CNTN5: variants seen among roughly 807,000 people sequenced by gnomAD.
The protein encoded by CNTN5 is contactin-5.
CNTN5 carries 77 observed loss-of-function variants against 129.1 expected under a neutral mutation model. The observed-to-expected ratio is 0.60, with a 90% CI of 0.50 to 0.72. CNTN5 has a LOEUF of 0.72. Ranked by LOEUF, CNTN5 falls within the 30% of genes least tolerant of loss-of-function variation. CNTN5 has a pLI of 0.00. For synonymous variants in CNTN5, 509 were observed against 465.6 expected, an observed-to-expected ratio of 1.09 and a Z score of -1.20; for missense variants, 1,478 against 1,328.8, an observed-to-expected ratio of 1.11 and a Z score of -1.75.
At chr11:100,157,241 A>G (rs1947277305) in intron 13 of CNTN5, among the ~76,000 whole-genome samples, 2 of 151,958 alleles carry the variant, frequency 1.3e-5, no homozygotes, top group African/African-American at 4.8e-5. Flanking sequence ...ATCACATACA[A>G]TTGCACATAC....
intron 1 of CNTN5, among the ~76,000 whole-genome samples, chr11:99,305,628 T>C (rs2135955723): frequency 6.6e-6 from 1 of 152,302 alleles, no homozygotes; most frequent in Non-Finnish European, 1.5e-5. Flanking sequence ...CTAGTCAGAA[T>C]TGCCATTTTA....
At chr11:100,290,181 C>A in intron 18 of CNTN5, among the ~76,000 whole-genome samples, 1 of 151,582 alleles carries the variant, frequency 6.6e-6, no homozygotes, top group Non-Finnish European at 1.5e-5. Context: ...GCCATACTGC[C>A]CAAGGTAATT....
intron 3 of CNTN5, among the ~76,000 whole-genome samples, chr11:99,699,757 C>T (rs1954437306): frequency 6.6e-6 from 1 of 151,388 alleles, no homozygotes; most frequent in South Asian, 2.1e-4. Context: ...TACACTCTAA[C>T]CCCATAAAGA....
intron 22 of CNTN5, among the ~76,000 whole-genome samples, 167 bp from the exon 23 acceptor site, chr11:100,340,926 A>G (rs566247570): frequency 6.6e-6 from 1 of 152,332 alleles, no homozygotes; most frequent in East Asian, 1.9e-4. Context: ...AGCTATTAAA[A>G]TGACACTCCT....
chr11:99,323,834 TA>T (rs1424306098), intron 1 of CNTN5, among the ~76,000 whole-genome samples: 5 of 151,748 alleles, frequency 3.3e-5, no homozygotes, highest in African/African-American at 1.2e-4. Context: ...AGCAGAAATG[TA>T]AAATTGTTAC....
intron 1 of CNTN5, among the ~76,000 whole-genome samples, chr11:99,102,291 C>T (rs1222373266): frequency 1.3e-5 from 2 of 150,010 alleles, no homozygotes; most frequent in Non-Finnish European, 2.9e-5. Flanking sequence ...TCTGACATGC[C>T]CTGGAGACAT....
intron 4 of CNTN5, among the ~76,000 whole-genome samples, chr11:99,840,655 A>G (rs56079738): frequency 0.029 from 4,428 of 152,170 alleles, 210 homozygotes; most frequent in African/African-American, 0.1. Context: ...ACAGAAAACC[A>G]TTGCTTTTAT....
intron 1 of CNTN5, among the ~76,000 whole-genome samples, chr11:99,183,739 T>C (rs7944606): frequency 0.92 from 139,780 of 152,086 alleles, 64,328 homozygotes; most frequent in East Asian, 1. Context: ...TATAGATAGC[T>C]CTGAAACTGG....
At chr11:99,726,456 G>A (rs1032371239) in intron 3 of CNTN5, among the ~76,000 whole-genome samples, 4 of 152,012 alleles carry the variant, frequency 2.6e-5, no homozygotes, top group Non-Finnish European at 4.4e-5. Context: ...ATTACTACAT[G>A]TTTTCTACTA....
intron 3 of CNTN5, among the ~76,000 whole-genome samples, chr11:99,801,269 C>A (rs1222840208): frequency 6.6e-6 from 1 of 152,126 alleles, no homozygotes; most frequent in Admixed American, 6.6e-5. Context: ...TCCAGTCTCT[C>A]CTGGCTTGTA....
At chr11:99,294,750 G>A (rs1864310340) in intron 1 of CNTN5, among the ~76,000 whole-genome samples, 1 of 152,162 alleles carries the variant, frequency 6.6e-6, no homozygotes, top group African/African-American at 2.4e-5. Context: ...TCCTTATTTA[G>A]AGCATCACAG....
At chr11:99,997,326 T>A (rs1414608197) in intron 8 of CNTN5, among the ~76,000 whole-genome samples, 1 of 152,218 alleles carries the variant, frequency 6.6e-6, no homozygotes, top group East Asian at 1.9e-4. Flanking sequence ...TTAATTGTGA[T>A]GTTAGGGTGT....
intron 23 of CNTN5, among the ~76,000 whole-genome samples, chr11:100,345,728 A>G (rs1204691417): frequency 6.6e-6 from 1 of 152,174 alleles, no homozygotes; most frequent in African/African-American, 2.4e-5. Flanking sequence ...AACATTAAGC[A>G]GTACCTAGTG....
chr11:100,271,303 G>C (rs1169033390), intron 18 of CNTN5, 62 bp downstream of exon 18: 40 of 1,274,330 alleles, frequency 3.1e-5, no homozygotes, highest in Non-Finnish European at 4.3e-5. Flanking sequence ...AAAGTGAGTT[G>C]AATTAACCAT....
intron 3 of CNTN5, among the ~76,000 whole-genome samples, chr11:99,662,419 T>C (rs538883228): frequency 7.2e-5 from 11 of 152,320 alleles, no homozygotes; most frequent in African/African-American, 2.6e-4. Flanking sequence ...GATAATGTTA[T>C]CGAAATTTCA....
chr11:99,857,528 T>G (rs1418416643), intron 6 of CNTN5, among the ~76,000 whole-genome samples: 5 of 152,190 alleles, frequency 3.3e-5, no homozygotes, highest in African/African-American at 1.2e-4. Flanking sequence ...TAGATGATAG[T>G]CAAATAATTG....
chr11:100,217,822 T>C (rs1949174270), intron 15 of CNTN5, among the ~76,000 whole-genome samples: 1 of 152,196 alleles, frequency 6.6e-6, no homozygotes, highest in Non-Finnish European at 1.5e-5. Flanking sequence ...AGAAAGTTGA[T>C]CCATCATACA....
chr11:99,913,394 T>C (rs1189057543), intron 6 of CNTN5, among the ~76,000 whole-genome samples: 1 of 151,952 alleles, frequency 6.6e-6, no homozygotes, highest in African/African-American at 2.4e-5. Flanking sequence ...GTGAGAAATG[T>C]ACATACCCCA....
intron 2 of CNTN5, among the ~76,000 whole-genome samples, chr11:99,471,265 T>C (rs1397590546): frequency 6.6e-6 from 1 of 152,096 alleles, no homozygotes; most frequent in Non-Finnish European, 1.5e-5. Context: ...TTCCAGAATA[T>C]AAAATATCTT....
Sources: gnomAD v4.1 joint callset for allele counts (sites outside exome capture counted in the v4.1 genomes callset) on GRCh38, gnomAD v4.1.1 for gene constraint, MANE v1.5 for transcripts, NCBI Gene and HGNC (gene_info 2026-07-23, HGNC 2026-07-21) for gene names.